The following ABCA8 variants were observed in gnomAD, a reference collection of about 807,000 sequenced individuals.
ABCA8 encodes the protein ATP binding cassette subfamily A member 8.
A neutral mutation model predicts 192.3 loss-of-function variants in ABCA8; 177 were observed. That is an observed-to-expected ratio of 0.92 (90% CI 0.81 to 1.04). The LOEUF is 1.04. Ranked by LOEUF, ABCA8 falls within the 50% of genes least tolerant of loss-of-function variation. The probability of loss-of-function intolerance (pLI) is 0.00; values close to 1 mark genes in which losing one functional copy is unlikely to be tolerated. For missense variants in ABCA8, 1,915 were observed against 1,904.8 expected, an observed-to-expected ratio of 1.01 and a Z score of -0.10; for synonymous variants, 642 against 690.2, an observed-to-expected ratio of 0.93 and a Z score of 1.09.
chr17:68,898,115 A>G lies in ABCA8; in HGVS notation c.2765-3102T>C, dbSNP rs116054773. 2.3e-3 allele frequency among the ~76,000 whole-genome samples: 346 copies of G among 152,310 alleles called. 1 individual carries two copies. The highest frequency in any genetic ancestry group is 8.1e-3 in the African/African-American group (338 of 41,578). On this transcript the variant is annotated intron_variant, in intron 21 of 39. Transcript: ENST00000586539. ...CTTGGTGATGTGTAAGGAAACACCAATAAGAACCCAGCTGATTTCTCATCA... is the reference window on the plus strand; with the variant it reads ...CTTGGTGATGTGTAAGGAAACACCAGTAAGAACCCAGCTGATTTCTCATCA...
rs766819893 is a variant in ABCA8, at chr17:68,918,099, G to A, written c.1995C>T (p.Asp665=). 6.2e-7 allele frequency: 1 copy of A among 1,614,190 alleles called. No individual in the cohort carries two copies. The highest frequency in any genetic ancestry group is 1.1e-5 in the South Asian group (1 of 91,088). The stretch of plus-strand genomic sequence containing the variant: ...ACTGGGTACTGAAGAGGATCACGCG[G>A]TCTGTTTTGCGTTCTTTCAGAAGGT... ...VWNLLKERKT[D]RVILFSTQFM... is the part of the protein sequence containing the mutation. The change falls in exon 16 of 40, where the codon GAC becomes GAT. Residue 665 remains aspartate (D), a synonymous_variant. Transcript: ENST00000586539.
chr17:68,932,291 A>G lies in ABCA8; in HGVS notation c.794T>C (p.Phe265Ser), dbSNP rs1235632896. ...MTMMGLRDSA[F>S]WLSWGLLYAG... ...ATTTGTGCTGCGTTTGACTCACCAG[A>G]ACGCTGAATCCCGAAGACCCATCAT... Residue 265 changes from phenylalanine to serine, a missense_variant, in exon 7 of 40, where the codon TTC (phenylalanine) becomes TCC (serine). Coordinates refer to ENST00000586539, the MANE Select transcript of ABCA8 (RefSeq NM_001288985.2). 3 of 1,609,784 alleles carry G rather than the reference A, an allele frequency of 1.9e-6. No individual in the cohort carries two copies. The highest frequency in any genetic ancestry group is 1.3e-5 in the African/African-American group (1 of 74,786).
At chr17:68,880,682 C>T in intron 32 of ABCA8, 1 of 175,842 alleles carries the variant, frequency 5.7e-6, no homozygotes, top group South Asian at 1.4e-4. Flanking sequence ...GTGCCTGGAG[C>T]AGCCTGCCCC....
In ABCA8 at chr17:68,903,354, A is replaced by G. The variant is rs2066964147; in HGVS notation, c.2544T>C (p.Ile848=). Reference sequence around the variant, plus strand: ...TTAACTTTAACAAGCGAACCCTTGCAATTGCGCAGATTTGCTGTCGCCAGA... The same window carrying G: ...TTAACTTTAACAAGCGAACCCTTGCGATTGCGCAGATTTGCTGTCGCCAGA... ...VALWRQQICA[I]ARVRLLKLKH... is the part of the protein sequence containing the mutation. Residue 848 remains isoleucine, a synonymous_variant, in exon 20 of 40, where the codon ATT becomes ATC. Coordinates refer to ENST00000586539, the MANE Select transcript of ABCA8 (RefSeq NM_001288985.2). The G allele has an allele frequency of 6.2e-7, 1 of 1,614,058 alleles. No homozygotes were observed. Among genetic ancestry groups the G allele is most frequent in the Non-Finnish European group, 8.5e-7 (1 of 1,180,042 alleles).
At chr17:68,929,984 C>T (rs1395371229) in intron 7 of ABCA8, among the ~76,000 whole-genome samples, 10 of 21,204 alleles carry the variant, frequency 4.7e-4, no homozygotes, top group Admixed American at 3.3e-3. Flanking sequence ...GGGGTGGGGG[C>T]GGTGGGGGGG....
At position 68,907,890 on chromosome 17, in the gene ABCA8, G is replaced by GAAAA; in HGVS notation, c.2139-15_2139-12dup. The GAAAA allele has an allele frequency of 5.3e-6, 7 of 1,316,576 alleles. No homozygotes were observed. The highest frequency in any genetic ancestry group is 3.2e-5 in the South Asian group (2 of 62,118). 81.6% of individuals were successfully genotyped at this position (1,316,576 alleles called of 1,614,324 possible). A position where few individuals can be genotyped will look rare whatever the true frequency, so the allele number is the denominator to read the frequency against. The stretch of plus-strand genomic sequence containing the variant: ...TCATTTAACTGCAAGCTGGCATTCA[G>GAAAA]AAAAAAAAAAAAAGACATATGTTAC... On this transcript the variant is annotated splice_polypyrimidine_tract_variant and intron_variant, in intron 17 of 39. Coordinates refer to ENST00000586539, the MANE Select transcript of ABCA8 (RefSeq NM_001288985.2).
intron 1 of ABCA8, among the ~76,000 whole-genome samples, chr17:68,950,502 AT>A (rs2068540835): frequency 6.6e-6 from 1 of 152,188 alleles, no homozygotes; most frequent in Non-Finnish European, 1.5e-5. Context: ...TTGAAAACCT[AT>A]TATAAATGGA....
chr17:68,919,535 G>A (rs1016057577), intron 13 of ABCA8, 59 bp from the exon 14 acceptor site: 19 of 1,435,964 alleles, frequency 1.3e-5, no homozygotes, highest in South Asian at 6.4e-5. Context: ...TAATAAAATC[G>A]CTGTTAATTA....
chr17:68,949,007 C>T (rs932717467), intron 2 of ABCA8, among the ~76,000 whole-genome samples: 1 of 152,094 alleles, frequency 6.6e-6, no homozygotes, highest in Non-Finnish European at 1.5e-5. Flanking sequence ...GAATCCTTTC[C>T]ACATTGTTTG....
At chr17:68,903,706 A>G (rs1036017298) in intron 19 of ABCA8, among the ~76,000 whole-genome samples, 1 of 152,194 alleles carries the variant, frequency 6.6e-6, no homozygotes, top group African/African-American at 2.4e-5. Flanking sequence ...TAATTTGGAT[A>G]CAGACAATAC....
chr17:68,884,524 T>C (rs1396379713), intron 27 of ABCA8, 128 bp from the exon 28 acceptor site: 13 of 1,378,906 alleles, frequency 9.4e-6, no homozygotes, highest in East Asian at 8.5e-5. Context: ...GTGTCCTTTC[T>C]AAAGTGTATA....
intron 21 of ABCA8, among the ~76,000 whole-genome samples, chr17:68,900,062 G>A (rs1189781095): frequency 2.0e-5 from 3 of 152,036 alleles, no homozygotes; most frequent in Non-Finnish European, 4.4e-5. Context: ...AGAGGAACAA[G>A]CTAAACACAA....
chr17:68,884,265 G>A (rs890051439), intron 28 of ABCA8, 66 bp downstream of exon 28: 4 of 1,400,316 alleles, frequency 2.9e-6, no homozygotes, highest in South Asian at 3.2e-5. Context: ...TTCACAGTGT[G>A]TACAGAACTG....
intron 10 of ABCA8, 60 bp downstream of exon 10, chr17:68,927,856 T>C (rs1598272555): frequency 7.8e-7 from 1 of 1,276,996 alleles, no homozygotes. Context: ...CATTAGGAGA[T>C]TTGTTTTCAG....
intron 31 of ABCA8, 64 bp from the exon 32 acceptor site, chr17:68,881,275 T>A: frequency 2.6e-6 from 3 of 1,154,418 alleles, no homozygotes; most frequent in Non-Finnish European, 3.9e-6. Flanking sequence ...TAAAACATAG[T>A]TGAAATCTCA....
At chr17:68,948,936 GT>G (rs2068492485) in intron 2 of ABCA8, among the ~76,000 whole-genome samples, 1 of 152,054 alleles carries the variant, frequency 6.6e-6, no homozygotes, top group Non-Finnish European at 1.5e-5. Flanking sequence ...TAAGGAAGGG[GT>G]CCAGTTTCAG....
At position 68,911,639 on chromosome 17, in the gene ABCA8, T is replaced by C. The variant is rs1376471018; in HGVS notation, c.2139-3760A>G. Among the ~76,000 whole-genome samples the C allele has an allele frequency of 1.3e-5, 2 of 152,098 alleles. No individual in the cohort carries two copies. Among genetic ancestry groups the C allele is most frequent in the Non-Finnish European group, 2.9e-5 (2 of 68,000 alleles). On this transcript the variant is annotated intron_variant, in intron 17 of 39. Transcript: ENST00000586539. This position sits in a 1 kb window ranked among gnomAD's most constrained non-coding sequence, Gnocchi z 5.7. ...GCTGCGGGTCTTGGGAAAGACCCAG[T>C]GCTGTATTGGCTTTAGATCTGACCC...
intron 33 of ABCA8, 85 bp from the exon 34 acceptor site, chr17:68,876,788 ACT>A: frequency 1.9e-6 from 3 of 1,549,840 alleles, no homozygotes; most frequent in Non-Finnish European, 1.8e-6. Context: ...GAGAAGCAGA[ACT>A]CAAAAATGCA....
chr17:68,925,755 G>C (rs953040675), intron 10 of ABCA8, among the ~76,000 whole-genome samples: 1 of 152,098 alleles, frequency 6.6e-6, no homozygotes, highest in Non-Finnish European at 1.5e-5. Flanking sequence ...GCAAATAAAA[G>C]CATGCCACCA....
Sources: gnomAD v4.1 joint callset for allele counts (sites outside exome capture counted in the v4.1 genomes callset) on GRCh38, gnomAD v4.1.1 for gene constraint, Gnocchi (gnomAD v3.1) non-coding constraint, MANE v1.5 for transcripts, NCBI Gene and HGNC (gene_info 2026-07-23, HGNC 2026-07-21) for gene names.